Variants in MARCHF1 observed in about 807,000 individuals in gnomAD.
MARCHF1 encodes E3 ubiquitin-protein ligase MARCHF1.
MARCHF1 carries 40 observed loss-of-function variants against 54.2 expected under a neutral mutation model. The ratio of observed to expected loss-of-function variants is 0.74; its 90% CI spans 0.57 to 0.96. MARCHF1 has a LOEUF of 0.96. Ranked by LOEUF, MARCHF1 falls within the 40% of genes least tolerant of loss-of-function variation. The probability of loss-of-function intolerance (pLI) is 0.00; values close to 1 mark genes in which losing one functional copy is unlikely to be tolerated. For missense variants in MARCHF1, 586 were observed against 656.5 expected (o/e 0.89, Z 1.17); for synonymous variants, 236 against 236.3 (o/e 1.00, Z 0.01).
chr4:163,603,913 C>T (rs950439767), intron 7 of MARCHF1, among the ~76,000 whole-genome samples: 4 of 151,962 alleles, frequency 2.6e-5, no homozygotes, highest in African/African-American at 9.7e-5. Context: ...TCAAGGGTCC[C>T]TTAAATTAAA....
intron 1 of MARCHF1, among the ~76,000 whole-genome samples, chr4:164,277,676 CAT>C (rs2111328703): frequency 6.6e-6 from 1 of 152,334 alleles, no homozygotes; most frequent in Admixed American, 6.5e-5. Context: ...TATATGCTCA[CAT>C]GTCAACATGT....
intron 4 of MARCHF1, among the ~76,000 whole-genome samples, chr4:163,826,276 T>G (rs1338260745): frequency 6.6e-6 from 1 of 152,068 alleles, no homozygotes; most frequent in East Asian, 1.9e-4. Context: ...ACTTGCCCAC[T>G]GTAGATCCAA....
intron 4 of MARCHF1, among the ~76,000 whole-genome samples, chr4:163,771,173 T>G (rs1459793156): frequency 6.6e-6 from 1 of 152,192 alleles, no homozygotes; most frequent in Non-Finnish European, 1.5e-5. Context: ...TGTTTTTAAT[T>G]AGGAGCTATT....
rs567077735 is a variant in MARCHF1, at chr4:163,957,134, T to C, written c.-39+31367A>G. Among the ~76,000 whole-genome samples the C allele has an allele frequency of 4.7e-5, 7 of 150,054 alleles. No homozygotes were observed. In the South Asian group the frequency reaches 1.3e-3, roughly 27 times the overall value. On this transcript the variant is annotated intron_variant, in intron 3 of 9. Coordinates refer to ENST00000514618, the MANE Select transcript of MARCHF1 (RefSeq NM_001394959.1). ...TTATTTGAATTTACTAACAGAAATT[T>C]TCTAGTTACAGCTGACAATAATTTT...
At chr4:163,825,640 C>T (rs895423972) in intron 4 of MARCHF1, among the ~76,000 whole-genome samples, 3 of 151,874 alleles carry the variant, frequency 2.0e-5, no homozygotes, top group Non-Finnish European at 4.4e-5. Context: ...GCCATTCTGA[C>T]TAGTGTAAGA....
chr4:163,866,030 T>C (rs942726157), intron 3 of MARCHF1, among the ~76,000 whole-genome samples: 8 of 151,750 alleles, frequency 5.3e-5, no homozygotes, highest in Non-Finnish European at 1.0e-4. Flanking sequence ...CTTTTGACAC[T>C]GTAACTCTTC....
intron 1 of MARCHF1, among the ~76,000 whole-genome samples, chr4:164,130,285 T>C (rs2915268): frequency 0.043 from 6,560 of 152,222 alleles, 219 homozygotes; most frequent in Middle Eastern, 0.15. Context: ...AAAATAATTA[T>C]GCTTTGAAAA....
At chr4:163,833,160 C>T (rs868365523) in intron 4 of MARCHF1, among the ~76,000 whole-genome samples, 2,068 of 152,200 alleles carry the variant, frequency 0.014, 56 homozygotes, top group African/African-American at 0.048. Context: ...CCTGAGGAAT[C>T]GCCACGCTGA....
chr4:163,738,769 C>T (rs758560980), intron 4 of MARCHF1, among the ~76,000 whole-genome samples: 1 of 152,196 alleles, frequency 6.6e-6, no homozygotes, highest in African/African-American at 2.4e-5. Flanking sequence ...ACAAAAGCCA[C>T]AGCTGGATAG....
chr4:163,671,863 GA>G (rs1480691361), intron 5 of MARCHF1, among the ~76,000 whole-genome samples: 142 of 152,014 alleles, frequency 9.3e-4, no homozygotes, highest in African/African-American at 3.3e-3. Flanking sequence ...AAGAGAACAG[GA>G]AGTATGTTCT....
At chr4:163,917,614 C>CT (rs1452063685) in intron 3 of MARCHF1, among the ~76,000 whole-genome samples, 4 of 152,062 alleles carry the variant, frequency 2.6e-5, no homozygotes, top group African/African-American at 9.6e-5. Flanking sequence ...AATTTAATTT[C>CT]TTTTTTTTCT....
chr4:163,851,097 A>T (rs1749630099), intron 4 of MARCHF1, among the ~76,000 whole-genome samples: 1 of 152,210 alleles, frequency 6.6e-6, no homozygotes, highest in South Asian at 2.1e-4. Flanking sequence ...AAATGTTTAA[A>T]ACTTAAAATA....
chr4:164,043,629 G>A (rs1008237552), intron 2 of MARCHF1, among the ~76,000 whole-genome samples: 4 of 152,140 alleles, frequency 2.6e-5, no homozygotes, highest in African/African-American at 9.7e-5. Context: ...CTATTATCAT[G>A]TGGGTCTTTG....
intron 2 of MARCHF1, among the ~76,000 whole-genome samples, chr4:164,072,949 A>G (rs144330923): frequency 2.0e-5 from 3 of 152,342 alleles, no homozygotes; most frequent in African/African-American, 4.8e-5. Context: ...TATCAAGCGC[A>G]ATACAATTTC....
intron 1 of MARCHF1, among the ~76,000 whole-genome samples, chr4:164,298,371 T>A (rs1016808191): frequency 1.3e-5 from 2 of 151,438 alleles, no homozygotes; most frequent in Non-Finnish European, 2.9e-5. Flanking sequence ...GGATGTAGGT[T>A]ACAACAAAAA....
chr4:163,697,372 G>C (rs143853643), intron 5 of MARCHF1, among the ~76,000 whole-genome samples: 372 of 152,274 alleles, frequency 2.4e-3, no homozygotes, highest in African/African-American at 8.6e-3. Context: ...GGCTAATCTT[G>C]CCACAGGCTA....
intron 1 of MARCHF1, among the ~76,000 whole-genome samples, chr4:164,144,700 A>G (rs1364744744): frequency 7.8e-6 from 1 of 128,348 alleles, no homozygotes; most frequent in Non-Finnish European, 1.6e-5. Context: ...ATAGCACTAC[A>G]TGCCCACAAG....
intron 1 of MARCHF1, among the ~76,000 whole-genome samples, chr4:164,254,185 G>A (rs1733202534): frequency 6.6e-6 from 1 of 151,834 alleles, no homozygotes; most frequent in African/African-American, 2.4e-5. Flanking sequence ...CTGAGTAGCT[G>A]GGGTTACAGG....
chr4:164,235,328 CT>C (rs1361545066), intron 1 of MARCHF1, among the ~76,000 whole-genome samples: 1 of 151,992 alleles, frequency 6.6e-6, no homozygotes, highest in Non-Finnish European at 1.5e-5. Flanking sequence ...TAAATGTTTT[CT>C]TCACGTTGGA....
Sources: gnomAD v4.1 joint callset for allele counts (sites outside exome capture counted in the v4.1 genomes callset) on GRCh38, gnomAD v4.1.1 for gene constraint, MANE v1.5 for transcripts, NCBI Gene and HGNC (gene_info 2026-07-23, HGNC 2026-07-21) for gene names.